SERINC5: variants seen among roughly 807,000 people sequenced by gnomAD.
The protein encoded by SERINC5 is serine incorporator 5.
A neutral mutation model predicts 63.1 loss-of-function variants in SERINC5; 41 were observed. The ratio of observed to expected loss-of-function variants is 0.65; its 90% CI spans 0.51 to 0.84. SERINC5 has a LOEUF of 0.84. Ranked by LOEUF, SERINC5 falls within the 40% of genes least tolerant of loss-of-function variation. The pLI is 0.00. For synonymous variants in SERINC5, 222 were observed against 215.2 expected, an observed-to-expected ratio of 1.03 and a Z score of -0.28; for missense variants, 523 against 573.0, an observed-to-expected ratio of 0.91 and a Z score of 0.89.
rs571759887 is a variant in SERINC5, at chr5:80,231,787, CCATACCAGA to C, written c.27+24100_27+24108del. On this transcript the variant is annotated intron_variant, in intron 1 of 11. Coordinates refer to ENST00000507668, the MANE Select transcript of SERINC5 (RefSeq NM_001174072.3). ...AAAACAATGAAGTTGGACCCTTTCC[CCATACCAGA>C]CAAAAATTAACTCATTAAGAATGGC... is the stretch of plus-strand genomic sequence containing the variant. Among the ~76,000 whole-genome samples, 405 of 152,222 alleles carry C rather than the reference CCATACCAGA, an allele frequency of 2.7e-3. 3 individuals are homozygous for C. The highest frequency in any genetic ancestry group is 4.8e-3 in the Non-Finnish European group (326 of 68,004).
intron 1 of SERINC5, among the ~76,000 whole-genome samples, chr5:80,228,079 A>C (rs897056443): frequency 8.6e-5 from 13 of 150,802 alleles, no homozygotes; most frequent in African/African-American, 3.2e-4. Flanking sequence ...AAAAAAAAAA[A>C]AAATTAGCCA....
intron 11 of SERINC5, among the ~76,000 whole-genome samples, chr5:80,124,807 G>C (rs1346218436): frequency 6.6e-6 from 1 of 152,082 alleles, no homozygotes; most frequent in East Asian, 1.9e-4. Flanking sequence ...AACCACCTTG[G>C]GTCAGGCACC....
At chr5:80,252,928 G>A (rs186384648) in intron 1 of SERINC5, among the ~76,000 whole-genome samples, 156 of 152,270 alleles carry the variant, frequency 1.0e-3, no homozygotes, top group African/African-American at 3.6e-3. Context: ...GTCTCTCTCC[G>A]ACCTCAAACT....
At position 80,143,483 on chromosome 5, in the gene SERINC5, G is replaced by A. The variant is rs1275947677; in HGVS notation, c.*180C>T. On this transcript the variant is annotated 3_prime_UTR_variant, in exon 12 of 12. Coordinates refer to ENST00000507668, the MANE Select transcript of SERINC5 (RefSeq NM_001174072.3). ...AATTTCAATTCCTTTGGGACAAACT[G>A]GTAGTTTCTTTTTGAATTTCAAAAG... 196 of 1,360,398 alleles carry A rather than the reference G, an allele frequency of 1.4e-4. 1 individual carries two copies. The highest frequency in any genetic ancestry group is 3.2e-5 in the Non-Finnish European group (34 of 1,059,590). The allele number at this position is 1,360,398 out of a possible 1,614,324, so 84.3% of individuals were successfully genotyped here.
chr5:80,175,648 C>A lies in SERINC5; in HGVS notation c.458-601G>T, dbSNP rs527816421. On this transcript the variant is annotated intron_variant, in intron 4 of 11. Transcript: ENST00000507668. ...CTTTGGGAGGCTGAGGCAGGGGGATCACTTGAGGTCAGGAGTCGGAAACCA... is the reference window on the plus strand; with the variant it reads ...CTTTGGGAGGCTGAGGCAGGGGGATAACTTGAGGTCAGGAGTCGGAAACCA... 8.6e-5 allele frequency among the ~76,000 whole-genome samples: 13 copies of A among 151,276 alleles called. No individual in the cohort carries two copies. In the South Asian group the frequency reaches 2.7e-3, roughly 32 times the overall value.
At chr5:80,184,525 T>C (rs1460351074) in intron 2 of SERINC5, among the ~76,000 whole-genome samples, 1 of 152,128 alleles carries the variant, frequency 6.6e-6, no homozygotes, top group Non-Finnish European at 1.5e-5. Context: ...GTGAGTACAT[T>C]GACACTGTAT....
chr5:80,168,493 G>A (rs1342278251), intron 6 of SERINC5, among the ~76,000 whole-genome samples: 4 of 152,058 alleles, frequency 2.6e-5, no homozygotes, highest in Non-Finnish European at 5.9e-5. Context: ...GAACAACTGC[G>A]CCCGACCACT....
At chr5:80,135,476 T>C (rs372646055), downstream of SERINC5, among the ~76,000 whole-genome samples, 427 of 152,292 alleles carry the variant, frequency 2.8e-3, 3 homozygotes, top group African/African-American at 9.6e-3. Flanking sequence ...AGACAAGTTA[T>C]CTGCCTCCCA....
intron 2 of SERINC5, among the ~76,000 whole-genome samples, chr5:80,200,815 C>T (rs983106367): frequency 1.3e-4 from 18 of 140,982 alleles, no homozygotes; most frequent in African/African-American, 4.2e-4. Context: ...AGTTTCAGGC[C>T]AGGCATGGTG....
At chr5:80,124,132 AAGC>A (rs1561348948) in intron 11 of SERINC5, among the ~76,000 whole-genome samples, 3 of 152,190 alleles carry the variant, frequency 2.0e-5, no homozygotes, top group Admixed American at 6.5e-5. Context: ...CCAATCCAGG[AAGC>A]AAAGCAATAA....
chr5:80,242,479 C>T (rs1466456119), intron 1 of SERINC5, among the ~76,000 whole-genome samples: 2 of 135,380 alleles, frequency 1.5e-5, no homozygotes, highest in Admixed American at 7.9e-5. Flanking sequence ...TTAGGCCAGG[C>T]GCAGTGGCTC....
chr5:80,221,230 G>A (rs975352673), intron 1 of SERINC5, among the ~76,000 whole-genome samples: 1 of 152,114 alleles, frequency 6.6e-6, no homozygotes, highest in Non-Finnish European at 1.5e-5. Flanking sequence ...ACCTTCCCAG[G>A]GGATCATCTG....
chr5:80,122,197 G>GTATATATATATATATATA (rs10700420), intron 11 of SERINC5, among the ~76,000 whole-genome samples: 2,635 of 116,568 alleles, frequency 0.023, 49 homozygotes, highest in Non-Finnish European at 0.03. Context: ...AGAACTAATA[G>GTATATATATATATATATA]TATATATATA....
At chr5:80,124,350 C>T (rs1280347645) in intron 11 of SERINC5, among the ~76,000 whole-genome samples, 2 of 152,182 alleles carry the variant, frequency 1.3e-5, no homozygotes, top group Non-Finnish European at 2.9e-5. Context: ...AAAGTGTTCC[C>T]TTTTTTCTAC....
At chr5:80,129,865 A>G (rs1320304704) in intron 11 of SERINC5, among the ~76,000 whole-genome samples, 2 of 152,182 alleles carry the variant, frequency 1.3e-5, no homozygotes, top group Non-Finnish European at 1.5e-5. Context: ...GTCATTTTTT[A>G]ACAGTTTTGA....
intron 1 of SERINC5, among the ~76,000 whole-genome samples, chr5:80,216,310 G>T (rs1425725531): frequency 6.6e-6 from 1 of 152,120 alleles, no homozygotes; most frequent in Non-Finnish European, 1.5e-5. Context: ...CCCCTGCAAG[G>T]CGTGATGATC....
Position 80,141,884 on chromosome 5 carries a change from A to T in SERINC5, c.*1779T>A. The stretch of plus-strand genomic sequence containing the variant: ...TGCCTTTTGAAACTGAATCTCAAAC[A>T]CTCTAAGTAGGGAAAGTTCTAAAGG... On this transcript the variant is annotated 3_prime_UTR_variant, in exon 12 of 12. Transcript: ENST00000507668. The T allele has an allele frequency of 2.0e-6, 2 of 985,212 alleles. No individual in the cohort carries two copies. Among genetic ancestry groups the T allele is most frequent in the Non-Finnish European group, 2.4e-6 (2 of 829,862 alleles). The allele number at this position is 985,212 out of a possible 1,614,324, so 61.0% of individuals were successfully genotyped here. A position where few individuals can be genotyped will look rare whatever the true frequency, so the allele number is the denominator to read the frequency against.
rs2112293098 is a variant in SERINC5 at position 80,143,286 on chromosome 5, T to C, written c.*377A>G. The stretch of plus-strand genomic sequence containing the variant: ...GCGCTGGGGACTCAAGATTTTGGCA[T>C]GTTTTTCTATTCCGAGGATGAGAAT... On this transcript the variant is annotated 3_prime_UTR_variant, in exon 12 of 12. Transcript: ENST00000507668. The C allele has an allele frequency of 9.9e-7, 1 of 1,005,936 alleles. No homozygotes were observed. The highest frequency in any genetic ancestry group is 1.2e-6 in the Non-Finnish European group (1 of 842,762). The allele number at this position is 1,005,936 out of a possible 1,614,324, so 62.3% of individuals were successfully genotyped here.
At chr5:80,164,934 T>G (rs1747185362) in intron 7 of SERINC5, among the ~76,000 whole-genome samples, 1 of 95,378 alleles carries the variant, frequency 1.0e-5, no homozygotes, top group Non-Finnish European at 2.2e-5. Context: ...TTTTTTTTTG[T>G]AGAGATGCTA....
Sources: allele counts gnomAD v4.1 joint callset (sites outside exome capture counted in the v4.1 genomes callset), GRCh38; gene constraint gnomAD v4.1.1; transcripts MANE v1.5; gene names NCBI Gene and HGNC (gene_info 2026-07-23, HGNC 2026-07-21).